LRRC49: variants seen among roughly 807,000 people sequenced by gnomAD.
LRRC49 encodes leucine rich repeat containing 49, also known as leucine-rich repeat-containing protein 49.
LRRC49 carries 50 observed loss-of-function variants against 83.3 expected under a neutral mutation model. The observed-to-expected ratio is 0.60, with a 90% CI of 0.48 to 0.76. The LOEUF is 0.76. Among genes scored for constraint, LRRC49 ranks in the 30% least tolerant of loss-of-function variants. The pLI is 0.00. For missense variants in LRRC49, 704 were observed against 809.1 expected (o/e 0.87, Z 1.58); for synonymous variants, 286 against 283.3 (o/e 1.01, Z -0.10).
chr15:71,012,381 A>G (rs886593476), intron 13 of LRRC49, among the ~76,000 whole-genome samples: 3 of 152,112 alleles, frequency 2.0e-5, no homozygotes, highest in African/African-American at 7.2e-5. Context: ...CTATAGGAGC[A>G]AGGTATGACC....
At chr15:70,892,714 T>C (rs2033633933), upstream of LRRC49, 32 of 1,474,860 alleles carry the variant, frequency 2.2e-5, no homozygotes, top group Non-Finnish European at 2.8e-5. Flanking sequence ...CGAATACAAC[T>C]AGAAGCTGCA....
intron 11 of LRRC49, among the ~76,000 whole-genome samples, chr15:70,999,028 T>C (rs2038170460): frequency 6.6e-6 from 1 of 152,216 alleles, no homozygotes; most frequent in Non-Finnish European, 1.5e-5. Context: ...TTCTATTTGA[T>C]TCCTTTTTAA....
chr15:70,999,108 G>A (rs979685032), intron 11 of LRRC49, among the ~76,000 whole-genome samples: 1 of 152,012 alleles, frequency 6.6e-6, no homozygotes, highest in African/African-American at 2.4e-5. Context: ...AGTTATTTCA[G>A]CATATTTAAA....
At chr15:70,879,415 A>G (rs1204531400) in intron 2 of LRRC49, among the ~76,000 whole-genome samples, 12 of 152,152 alleles carry the variant, frequency 7.9e-5, no homozygotes, top group Non-Finnish European at 1.8e-4. Flanking sequence ...AGTCATTTTA[A>G]ATTATACTGG....
At chr15:70,859,598 C>G (rs2032736221) in intron 1 of LRRC49, 2 of 649,654 alleles carry the variant, frequency 3.1e-6, no homozygotes, top group South Asian at 2.8e-5. Flanking sequence ...GGCTGGGAAG[C>G]TTGGGCATGA....
intron 8 of LRRC49, among the ~76,000 whole-genome samples, chr15:70,954,299 T>G (rs189444555): frequency 7.4e-4 from 112 of 152,324 alleles, no homozygotes; most frequent in Non-Finnish European, 1.1e-3. Flanking sequence ...CAGTTTGGTC[T>G]TTTTTTAAAT....
chr15:71,047,156 G>T (rs554514871), intron 15 of LRRC49, among the ~76,000 whole-genome samples: 2 of 152,230 alleles, frequency 1.3e-5, no homozygotes, highest in East Asian at 1.9e-4. Context: ...GCTTAGGATT[G>T]CTTTGGCTAT....
intron 15 of LRRC49, among the ~76,000 whole-genome samples, chr15:71,040,819 CA>C (rs57206118): frequency 0.41 from 40,574 of 98,470 alleles, 6,266 homozygotes; most frequent in East Asian, 0.59. Context: ...GACTCCGTCT[CA>C]AAAAAAAAAA....
At chr15:71,037,355 C>G in intron 15 of LRRC49, 23 bp downstream of exon 15, 1 of 1,558,634 alleles carries the variant, frequency 6.4e-7, no homozygotes, top group South Asian at 1.2e-5. Context: ...TTAATCTTTG[C>G]GATCTAATGC....
intron 14 of LRRC49, among the ~76,000 whole-genome samples, chr15:71,033,563 AAG>A (rs1183128719): frequency 6.6e-6 from 1 of 152,180 alleles, no homozygotes; most frequent in African/African-American, 2.4e-5. Context: ...GGAACCAAAA[AAG>A]AGCCCATACA....
chr15:70,919,009 T>C, intron 6 of LRRC49, 41 bp from the exon 7 acceptor site: 1 of 1,550,696 alleles, frequency 6.4e-7, no homozygotes, highest in East Asian at 2.3e-5. Context: ...ATATTTCAGG[T>C]TTTTGCCTGC....
chr15:71,046,160 T>G (rs1225370507), intron 15 of LRRC49, among the ~76,000 whole-genome samples: 1 of 152,200 alleles, frequency 6.6e-6, no homozygotes, highest in Admixed American at 6.5e-5. Context: ...AATGAACATA[T>G]GAGCGCATGT....
rs2037663659 is a variant in LRRC49, at chr15:70,987,311, G to C, written c.1169+3054G>C. On this transcript the variant is annotated intron_variant, in intron 11 of 15. Coordinates refer to ENST00000260382, the MANE Select transcript of LRRC49 (RefSeq NM_017691.5). ...GCTATTGATTATTGCCACAATTTCAGCTCCTGTTATTGGTCTATTCAGAGA... is the reference window on the plus strand; with the variant it reads ...GCTATTGATTATTGCCACAATTTCACCTCCTGTTATTGGTCTATTCAGAGA... Among the ~76,000 whole-genome samples, 5 of 152,262 alleles carry C rather than the reference G, an allele frequency of 3.3e-5. No homozygotes were observed. In the South Asian group the frequency reaches 1.0e-3, roughly 32 times the overall value.
chr15:70,960,403 AT>A (rs1288681467), intron 8 of LRRC49, among the ~76,000 whole-genome samples: 1 of 152,208 alleles, frequency 6.6e-6, no homozygotes, highest in Admixed American at 6.5e-5. Flanking sequence ...ATGTGGTCTG[AT>A]GAGGAGTGAT....
At chr15:70,989,616 C>G (rs2037779976) in intron 11 of LRRC49, among the ~76,000 whole-genome samples, 1 of 152,148 alleles carries the variant, frequency 6.6e-6, no homozygotes, top group Non-Finnish European at 1.5e-5. Context: ...CATCTGAAGC[C>G]TTCTTCTTTC....
chr15:70,927,894 C>A (rs1285940073), intron 7 of LRRC49, among the ~76,000 whole-genome samples: 1 of 152,150 alleles, frequency 6.6e-6, no homozygotes, highest in Non-Finnish European at 1.5e-5. Context: ...GTGATCCTCC[C>A]ATCTTGGCCT....
At chr15:70,969,674 T>C (rs1396132309) in intron 9 of LRRC49, among the ~76,000 whole-genome samples, 2 of 152,198 alleles carry the variant, frequency 1.3e-5, no homozygotes, top group Non-Finnish European at 2.9e-5. Context: ...TGGTTTTTAG[T>C]TCTCCTTGAA....
At chr15:70,876,178 G>A (rs987315467) in intron 2 of LRRC49, among the ~76,000 whole-genome samples, 1 of 152,152 alleles carries the variant, frequency 6.6e-6, no homozygotes, top group Non-Finnish European at 1.5e-5. Flanking sequence ...TCATGTAAAT[G>A]CCTCTGAAAG....
chr15:70,997,964 C>T (rs768097084), intron 11 of LRRC49, among the ~76,000 whole-genome samples: 1 of 151,970 alleles, frequency 6.6e-6, no homozygotes, highest in Non-Finnish European at 1.5e-5. Flanking sequence ...TTTCTTGTTC[C>T]TTTTACCATA....
Sources: gnomAD v4.1 joint callset for allele counts (sites outside exome capture counted in the v4.1 genomes callset) on GRCh38, gnomAD v4.1.1 for gene constraint, MANE v1.5 for transcripts, NCBI Gene and HGNC (gene_info 2026-07-23, HGNC 2026-07-21) for gene names.